Variants in PKN3 observed in about 807,000 individuals in gnomAD.
PKN3 encodes protein kinase N3, also known as serine/threonine-protein kinase N3.
PKN3 carries 91 observed loss-of-function variants against 113.1 expected under a neutral mutation model. The observed-to-expected ratio is 0.80, with a 90% CI of 0.68 to 0.96. The LOEUF is 0.96. Among genes scored for constraint, PKN3 ranks in the 40% least tolerant of loss-of-function variants. PKN3 has a pLI of 0.00. For synonymous variants in PKN3, 467 were observed against 499.0 expected, an observed-to-expected ratio of 0.94 and a Z score of 0.85; for missense variants, 1,052 against 1,202.2, an observed-to-expected ratio of 0.88 and a Z score of 1.85.
In PKN3 at chr9:128,716,780, G is replaced by A; in HGVS notation, c.1842G>A (p.Val614=). 1.9e-6 allele frequency: 3 copies of A among 1,613,976 alleles called. No homozygotes were observed. Among genetic ancestry groups the A allele is most frequent in the Non-Finnish European group, 2.5e-6 (3 of 1,179,944 alleles). Residue 614 remains valine (V), a synonymous_variant, in exon 16 of 22, where the codon GTG becomes GTA. Transcript: ENST00000291906. ...GCGAGAAGCGGATCCTGGAGGCTGT[G>A]GGCTGCACAGGGCACCCTTTCCTGC... ...LYCEKRILEA[V]GCTGHPFLLS... is the part of the protein sequence containing the mutation.
Position 128,714,332 on chromosome 9 carries a change from C to T in PKN3, c.1448C>T (p.Thr483Ile), listed in dbSNP as rs757457708. Reference sequence around the variant, plus strand: ...AAAGGATGCCCTCGGACCCCAACAACACTGCGAGAGGCCTCTGACCCTGCC... The same window carrying T: ...AAAGGATGCCCTCGGACCCCAACAATACTGCGAGAGGCCTCTGACCCTGCC... ...PPKGCPRTPT[T>I]LREASDPATP... Residue 483 changes from threonine (T) to isoleucine (I), a missense_variant, in exon 11 of 22, where the codon ACA becomes ATA. By Grantham distance (89) the Thr-to-Ile change is moderately conservative. This residue lies in a region of PKN3 where 719 missense variants were observed against 759.4 expected (regional missense o/e 0.95). Transcript: ENST00000291906. 4 of 1,608,590 alleles carry T rather than the reference C, an allele frequency of 2.5e-6. No individual in the cohort carries two copies. The South Asian group carries it at 4.4e-5, about 18-fold the overall frequency.
intron 13 of PKN3, 95 bp downstream of exon 13, chr9:128,714,960 G>T (rs536780401): frequency 1.3e-5 from 16 of 1,270,422 alleles, no homozygotes; most frequent in African/African-American, 2.9e-5. Context: ...GCTCCCTGGC[G>T]GGTGCGCTGA....
chr9:128,718,430 G>C (rs1162332106), intron 17 of PKN3, 43 bp downstream of exon 17: 2 of 1,564,042 alleles, frequency 1.3e-6, no homozygotes, highest in East Asian at 2.2e-5. Flanking sequence ...GGGTGGGGGT[G>C]GGGGTGGAGT....
In PKN3 at chr9:128,702,946, G is replaced by A; in HGVS notation, c.24+7G>A. 7.0e-7 allele frequency: 1 copy of A among 1,436,936 alleles called. No homozygotes were observed. Among genetic ancestry groups the A allele is most frequent in the Middle Eastern group, 2.4e-4 (1 of 4,190 alleles). The allele number at this position is 1,436,936 out of a possible 1,614,324, so 89.0% of individuals were successfully genotyped here. A position where few individuals can be genotyped will look rare whatever the true frequency, so the allele number is the denominator to read the frequency against. ...GGAGGGGGCGCCGCGGCAGGTGAAC[G>A]GCGTGGGAGGGGCGCGCGGGCCCGG... On this transcript the variant is annotated splice_region_variant and intron_variant, in intron 1 of 21. Transcript: ENST00000291906.
rs777588130 is a variant in PKN3, at chr9:128,720,354, G to A, written c.2458-40G>A. ...GTGGCATGGAGTGACTCCTGGAGCT[G>A]CTGTTCCTGCCGTCTCAGGCGCCTC... On this transcript the variant is annotated intron_variant, in intron 21 of 21. Transcript: ENST00000291906. The surrounding 1 kb of genome is among the most constrained non-coding windows in gnomAD (Gnocchi z 5.5). The A allele has an allele frequency of 9.3e-6, 15 of 1,611,732 alleles. No homozygotes were observed. The highest frequency in any genetic ancestry group is 1.2e-5 in the Non-Finnish European group (14 of 1,178,962).
At chr9:128,707,174 C>T in intron 5 of PKN3, 48 bp from the exon 6 acceptor site, 1 of 1,581,294 alleles carries the variant, frequency 6.3e-7, no homozygotes, top group Non-Finnish European at 8.6e-7. Flanking sequence ...GGCTGCTGCC[C>T]CCTGCCATAT....
Position 128,702,871 on chromosome 9 carries a change from A to T in PKN3, c.-45A>T. The T allele has an allele frequency of 7.1e-7, 1 of 1,417,538 alleles. No individual in the cohort carries two copies. The highest frequency in any genetic ancestry group is 1.3e-5 in the South Asian group (1 of 78,770). The allele number at this position is 1,417,538 out of a possible 1,614,324, so 87.8% of individuals were successfully genotyped here. A position where few individuals can be genotyped will look rare whatever the true frequency, so the allele number is the denominator to read the frequency against. ...TGGCGGAGGGTCTGCGGCTTCCGGGACCGGAGTGGCTGAGAGAAGGGCCCC... is the reference window on the plus strand; with the variant it reads ...TGGCGGAGGGTCTGCGGCTTCCGGGTCCGGAGTGGCTGAGAGAAGGGCCCC... On this transcript the variant is annotated 5_prime_UTR_variant, in exon 1 of 22. Coordinates refer to ENST00000291906, the MANE Select transcript of PKN3 (RefSeq NM_013355.5).
intron 16 of PKN3, among the ~76,000 whole-genome samples, chr9:128,717,174 G>A (rs924607576): frequency 9.0e-6 from 1 of 110,498 alleles, no homozygotes; most frequent in Non-Finnish European, 1.8e-5. Flanking sequence ...TATTGCCCAG[G>A]CTGGAGTGCA....
In PKN3 at chr9:128,719,668, G is replaced by A; in HGVS notation, c.2126-18G>A. ...TAGGCCACACCAAGCAGCTATTGGTGTGCCTGTTGGTTTGCAGGGATCGGC... is the reference window on the plus strand; with the variant it reads ...TAGGCCACACCAAGCAGCTATTGGTATGCCTGTTGGTTTGCAGGGATCGGC... On this transcript the variant is annotated intron_variant, in intron 18 of 21. Coordinates refer to ENST00000291906, the MANE Select transcript of PKN3 (RefSeq NM_013355.5). 6.5e-7 allele frequency: 1 copy of A among 1,529,280 alleles called. No individual in the cohort carries two copies. Among genetic ancestry groups the A allele is most frequent in the Non-Finnish European group, 8.8e-7 (1 of 1,138,864 alleles). 94.7% of individuals were successfully genotyped at this position (1,529,280 alleles called of 1,614,324 possible). A position where few individuals can be genotyped will look rare whatever the true frequency, so the allele number is the denominator to read the frequency against.
In PKN3 at chr9:128,720,262, C is replaced by G; in HGVS notation, c.2436C>G (p.Ile812Met). Reference sequence around the variant, plus strand: ...CAGGTGAGCAGGATGCCGAGGAGATCAAGGTCCAGCCATTCTTCAGGGTGA... The same window carrying G: ...CAGGTGAGCAGGATGCCGAGGAGATGAAGGTCCAGCCATTCTTCAGGGTGA... Reference protein sequence around the residue: ...LGAGEQDAEEIKVQPFFRTTN... With the variant: ...LGAGEQDAEEMKVQPFFRTTN... Residue 812 changes from isoleucine (I) to methionine (M), a missense_variant, in exon 21 of 22, where the codon ATC (isoleucine) becomes ATG (methionine). Coordinates refer to ENST00000291906, the MANE Select transcript of PKN3 (RefSeq NM_013355.5). This position sits in a 1 kb window ranked among gnomAD's most constrained non-coding sequence, Gnocchi z 5.5. 6.2e-7 allele frequency: 1 copy of G among 1,613,982 alleles called. No individual in the cohort carries two copies. The highest frequency in any genetic ancestry group is 1.3e-5 in the African/African-American group (1 of 75,036).
chr9:128,707,422 C>T lies in PKN3; in HGVS notation c.835+17C>T. On this transcript the variant is annotated intron_variant, in intron 6 of 21. Coordinates refer to ENST00000291906, the MANE Select transcript of PKN3 (RefSeq NM_013355.5). ...CCCTAACAGGTAGTCAGAAGTTCCT[C>T]CCCCTTCAAAGCTCTCCTTCTTTTT... is the stretch of plus-strand genomic sequence containing the variant. The T allele has an allele frequency of 1.3e-6, 2 of 1,583,964 alleles. No homozygotes were observed. Among genetic ancestry groups the T allele is most frequent in the Non-Finnish European group, 8.6e-7 (1 of 1,161,788 alleles).
intron 2 of PKN3, 47 bp downstream of exon 2, chr9:128,705,590 A>C: frequency 1.3e-6 from 2 of 1,547,118 alleles, no homozygotes; most frequent in Non-Finnish European, 1.7e-6. Flanking sequence ...CTCTAGGCCC[A>C]TCTGGCCCCT....
chr9:128,713,901 G>A (rs1862257136), intron 9 of PKN3, 145 bp from the exon 10 acceptor site: 5 of 837,578 alleles, frequency 6.0e-6, no homozygotes, highest in South Asian at 3.1e-5. Flanking sequence ...TATCAATGAG[G>A]ACATTGAATC....
At chr9:128,717,113 G>GTTTTTTTTTTTTTTTTTTTTTTT (rs1554781180) in intron 16 of PKN3, among the ~76,000 whole-genome samples, 190 bp downstream of exon 16, 4 of 14,444 alleles carry the variant, frequency 2.8e-4, no homozygotes, top group African/African-American at 4.1e-4. Flanking sequence ...TGTGCATTAG[G>GTTTTTTTTTTTTTTTTTTTTTTT]TTTCTTTTTT....
intron 16 of PKN3, among the ~76,000 whole-genome samples, chr9:128,717,925 C>A (rs964671247): frequency 1.3e-5 from 2 of 148,588 alleles, no homozygotes; most frequent in African/African-American, 5.0e-5. Flanking sequence ...GTCTCAGCTA[C>A]TTGGGAGGCT....
intron 18 of PKN3, among the ~76,000 whole-genome samples, chr9:128,719,379 C>CG (rs1862451497): frequency 6.6e-6 from 1 of 151,794 alleles, no homozygotes; most frequent in African/African-American, 2.4e-5. Flanking sequence ...TTAGTAGAGA[C>CG]GGGGTTTCAC....
chr9:128,713,419 C>T (rs761778178), intron 8 of PKN3, 32 bp downstream of exon 8: 1 of 1,612,582 alleles, frequency 6.2e-7, no homozygotes, highest in East Asian at 2.2e-5. Context: ...TCAGGGGTGA[C>T]CTTGGGCTGC....
chr9:128,715,401 A>G lies in PKN3; in HGVS notation c.1749A>G (p.Lys583=), dbSNP rs528820099. The G allele has an allele frequency of 1.2e-6, 2 of 1,614,034 alleles. No individual in the cohort carries two copies. The highest frequency in any genetic ancestry group is 1.7e-6 in the Non-Finnish European group (2 of 1,179,986). Residue 583 remains lysine, a synonymous_variant, in exon 15 of 22, where the codon AAA becomes AAG. Transcript: ENST00000291906. The surrounding 1 kb of genome is among the most constrained non-coding windows in gnomAD (Gnocchi z 4.1). ...TGGTCCAGTTCAAGGGGACAGGGAA[A>G]TACTACGCCATCAAAGCACTGAAGA... The part of the protein sequence containing the change: ...VLLVQFKGTG[K]YYAIKALKKQ...
chr9:128,706,700 T>A lies in PKN3; in HGVS notation c.412-13T>A. 2.0e-6 allele frequency: 3 copies of A among 1,536,148 alleles called. No homozygotes were observed. Among genetic ancestry groups the A allele is most frequent in the Non-Finnish European group, 2.6e-6 (3 of 1,138,264 alleles). On this transcript the variant is annotated splice_polypyrimidine_tract_variant and intron_variant, in intron 3 of 21. Transcript: ENST00000291906. Reference sequence around the variant, plus strand: ...CAGGCCTGGTCTGATGGGCCTGTGCTATGGCTCCATAGGAGAGGAAGCTCC... The same window carrying A: ...CAGGCCTGGTCTGATGGGCCTGTGCAATGGCTCCATAGGAGAGGAAGCTCC...
Sources: gnomAD v4.1 joint callset for allele counts (sites outside exome capture counted in the v4.1 genomes callset) on GRCh38, gnomAD v4.1.1 for gene constraint, gnomAD v4.1.1 regional missense constraint, Gnocchi (gnomAD v3.1) non-coding constraint, MANE v1.5 for transcripts, NCBI Gene and HGNC (gene_info 2026-07-23, HGNC 2026-07-21) for gene names.